GALK2: variants seen among roughly 807,000 people sequenced by gnomAD.
GALK2 encodes N-acetylgalactosamine kinase.
GALK2 carries 36 observed loss-of-function variants against 52.4 expected under a neutral mutation model. That is an observed-to-expected ratio of 0.69 (90% CI 0.53 to 0.91). The LOEUF (loss-of-function observed/expected upper bound fraction) is 0.91. Ranked by LOEUF, GALK2 falls within the 40% of genes least tolerant of loss-of-function variation. The pLI, the probability that GALK2 is intolerant of heterozygous loss-of-function variation, is 0.00. For synonymous variants in GALK2, 176 were observed against 199.1 expected, an observed-to-expected ratio of 0.88 and a Z score of 0.98; for missense variants, 579 against 559.1, an observed-to-expected ratio of 1.04 and a Z score of -0.36.
chr15:49,327,133 G>A (rs79321072), intron 9 of GALK2: 1 of 152,234 alleles, frequency 6.6e-6, no homozygotes, highest in East Asian at 1.9e-4. Context: ...TGAAATCTTA[G>A]GTTTGAAACT....
At chr15:49,272,498 G>A (rs1372821328) in intron 5 of GALK2, among the ~76,000 whole-genome samples, 1 of 152,174 alleles carries the variant, frequency 6.6e-6, no homozygotes, top group Non-Finnish European at 1.5e-5. Flanking sequence ...TGGAGCATGA[G>A]ATTGTGCACG....
At chr15:49,312,102 T>C (rs1219280548) in intron 8 of GALK2, among the ~76,000 whole-genome samples, 1 of 152,208 alleles carries the variant, frequency 6.6e-6, no homozygotes, top group African/African-American at 2.4e-5. Flanking sequence ...CAAGCTCTAC[T>C]CTCAGGTGCA....
chr15:49,159,178 C>A (rs11632211), intron 1 of GALK2, among the ~76,000 whole-genome samples: 10,346 of 152,052 alleles, frequency 0.068, 739 homozygotes, highest in African/African-American at 0.17. Context: ...TGAATGTACC[C>A]GTGCACCATA....
At chr15:49,226,016 C>T (rs1214845898) in intron 3 of GALK2, among the ~76,000 whole-genome samples, 2 of 152,208 alleles carry the variant, frequency 1.3e-5, no homozygotes, top group East Asian at 3.8e-4. Flanking sequence ...GCCCCATTCC[C>T]ACTGGAAAGT....
intron 1 of GALK2, among the ~76,000 whole-genome samples, chr15:49,197,826 A>T (rs533257998): frequency 1.3e-5 from 2 of 151,668 alleles, no homozygotes; most frequent in Admixed American, 1.3e-4. Flanking sequence ...ATTTAAGAAG[A>T]TTTATATTTT....
At chr15:49,184,483 T>C (rs553474331) in intron 1 of GALK2, among the ~76,000 whole-genome samples, 4 of 152,336 alleles carry the variant, frequency 2.6e-5, no homozygotes, top group African/African-American at 7.2e-5. Flanking sequence ...TTCAATGTTA[T>C]TGTTGATAAG....
chr15:49,321,721 C>T (rs1374161276), intron 9 of GALK2, among the ~76,000 whole-genome samples: 1 of 152,184 alleles, frequency 6.6e-6, no homozygotes, highest in African/African-American at 2.4e-5. Context: ...GCTCCCAATC[C>T]AATGATTTTG....
At chr15:49,256,081 A>G (rs1000739281) in intron 5 of GALK2, among the ~76,000 whole-genome samples, 2 of 152,198 alleles carry the variant, frequency 1.3e-5, no homozygotes, top group Admixed American at 6.5e-5. Flanking sequence ...TAGGGTTTGT[A>G]TATATCACAT....
chr15:49,362,877 G>A (rs2044492792), intron 3 of GALK2, among the ~76,000 whole-genome samples: 1 of 152,114 alleles, frequency 6.6e-6, no homozygotes, highest in Non-Finnish European at 1.5e-5. Context: ...TTATTGAATA[G>A]GGAGTCCTTT....
intron 3 of GALK2, among the ~76,000 whole-genome samples, chr15:49,337,697 C>T (rs1033033025): frequency 2.6e-5 from 4 of 151,818 alleles, no homozygotes; most frequent in African/African-American, 9.7e-5. Flanking sequence ...TCAACAGGCC[C>T]CCTGATGTTC....
At chr15:49,353,431 G>A (rs1432359747) in intron 3 of GALK2, 3 of 152,084 alleles carry the variant, frequency 2.0e-5, no homozygotes, top group Non-Finnish European at 1.5e-5. Flanking sequence ...TTTTGGCAGA[G>A]GAAGTCTTTT....
chr15:49,280,723 A>G (rs2032563946), intron 5 of GALK2, among the ~76,000 whole-genome samples: 1 of 152,220 alleles, frequency 6.6e-6, no homozygotes, highest in Non-Finnish European at 1.5e-5. Context: ...GAATGAATGA[A>G]TAGTAGTGTG....
At chr15:49,323,743 C>G (rs2037097438) in intron 9 of GALK2, among the ~76,000 whole-genome samples, 1 of 152,058 alleles carries the variant, frequency 6.6e-6, no homozygotes, top group Non-Finnish European at 1.5e-5. Flanking sequence ...GGAAAGAGCA[C>G]CACTGCTAGC....
chr15:49,164,026 A>T (rs73390343), intron 1 of GALK2, among the ~76,000 whole-genome samples: 1 of 152,018 alleles, frequency 6.6e-6, no homozygotes, highest in Non-Finnish European at 1.5e-5. Flanking sequence ...AGTTCTGGAA[A>T]GAAAACTCGT....
chr15:49,324,527 T>G (rs1160458280), intron 9 of GALK2, among the ~76,000 whole-genome samples: 1 of 152,194 alleles, frequency 6.6e-6, no homozygotes, highest in Admixed American at 6.5e-5. Flanking sequence ...TCAATGGCCT[T>G]TAAGTGGCTT....
At chr15:49,312,971 G>C (rs1270003696) in intron 8 of GALK2, among the ~76,000 whole-genome samples, 2 of 152,194 alleles carry the variant, frequency 1.3e-5, no homozygotes, top group East Asian at 1.9e-4. Flanking sequence ...CTTCTGCTGA[G>C]AAGTCCTATT....
At chr15:49,362,147 T>C (rs2044351462) in intron 3 of GALK2, among the ~76,000 whole-genome samples, 1 of 152,064 alleles carries the variant, frequency 6.6e-6, no homozygotes, top group South Asian at 2.1e-4. Flanking sequence ...TGGCTCTGTG[T>C]CCCCACCCAA....
At chr15:49,282,434 ATC>A (rs1339036146) in intron 6 of GALK2, among the ~76,000 whole-genome samples, 2 of 151,822 alleles carry the variant, frequency 1.3e-5, no homozygotes, top group African/African-American at 2.4e-5. Flanking sequence ...AAATCACTTC[ATC>A]TCATGCATTT....
chr15:49,356,155 A>G (rs1447325109), intron 3 of GALK2, among the ~76,000 whole-genome samples: 1 of 152,222 alleles, frequency 6.6e-6, no homozygotes, highest in African/African-American at 2.4e-5. Context: ...TGTAAAGACC[A>G]TCGAGACTAG....
Sources: allele counts gnomAD v4.1 joint callset (sites outside exome capture counted in the v4.1 genomes callset), GRCh38; gene constraint gnomAD v4.1.1; transcripts MANE v1.5; gene names NCBI Gene and HGNC (gene_info 2026-07-23, HGNC 2026-07-21).